The following RGS20 variants were observed in gnomAD, a reference collection of about 807,000 sequenced individuals.
RGS20 encodes regulator of G protein signaling 20, also known as gz-selective GTPase-activating protein.
A neutral mutation model predicts 33.6 loss-of-function variants in RGS20; 30 were observed. The observed-to-expected ratio is 0.89, with a 90% CI of 0.67 to 1.21. RGS20 has a LOEUF of 1.21. RGS20 is among the 50% of genes most tolerant of loss of function. The pLI is 0.00. For synonymous variants in RGS20, 208 were observed against 197.9 expected (o/e 1.05, Z -0.43); for missense variants, 472 against 502.4 (o/e 0.94, Z 0.58).
rs192595609 is a variant in RGS20 at position 53,895,006 on chromosome 8, T to C, written c.510+15404T>C. On this transcript the variant is annotated intron_variant, in intron 2 of 5. Transcript: ENST00000297313. ...CATTGCAATTACTCACCTCTGCTAC[T>C]GTAGCAGAAAGCTGTGCGGGGAGAG... 9.9e-5 allele frequency among the ~76,000 whole-genome samples: 15 copies of C among 152,278 alleles called. No individual in the cohort carries two copies. The East Asian group carries it at 2.9e-3, about 29-fold the overall frequency.
chr8:53,885,342 G>T (rs957028166), intron 2 of RGS20, among the ~76,000 whole-genome samples: 1 of 152,182 alleles, frequency 6.6e-6, no homozygotes, highest in African/African-American at 2.4e-5. Context: ...GGCCGGGCGC[G>T]GTGGCTCACG....
intron 2 of RGS20, among the ~76,000 whole-genome samples, chr8:53,902,498 C>T (rs527546428): frequency 2.4e-4 from 37 of 152,156 alleles, no homozygotes; most frequent in Non-Finnish European, 4.3e-4. Flanking sequence ...CTCCCATCAG[C>T]GGTGCGGGAG....
At chr8:53,866,790 T>C (rs1157255834) in intron 1 of RGS20, among the ~76,000 whole-genome samples, 4 of 152,022 alleles carry the variant, frequency 2.6e-5, no homozygotes, top group South Asian at 2.1e-4. Flanking sequence ...GAGGCCACTA[T>C]AATTTAATTA....
chr8:53,939,756 C>A, intron 3 of RGS20, 32 bp downstream of exon 2: 1 of 1,536,652 alleles, frequency 6.5e-7, no homozygotes, highest in Non-Finnish European at 8.8e-7. Flanking sequence ...TGAATGTGCT[C>A]CTGACTGGGA....
At chr8:53,866,098 G>A (rs1032566382) in intron 1 of RGS20, among the ~76,000 whole-genome samples, 1 of 152,186 alleles carries the variant, frequency 6.6e-6, no homozygotes, top group African/African-American at 2.4e-5. Context: ...ATTGCCCTGG[G>A]AGAGAAGAAG....
At chr8:53,905,766 A>G (rs1377895046) in intron 2 of RGS20, among the ~76,000 whole-genome samples, 1 of 152,166 alleles carries the variant, frequency 6.6e-6, no homozygotes, top group African/African-American at 2.4e-5. Context: ...CTGTTTTTCT[A>G]ACTTCATTGT....
intron 1 of RGS20, among the ~76,000 whole-genome samples, chr8:53,853,115 G>T (rs2129265410): frequency 6.6e-6 from 1 of 152,244 alleles, no homozygotes; most frequent in South Asian, 2.1e-4. Flanking sequence ...CAAGAGTCCT[G>T]AATTAATGGA....
chr8:53,852,091 C>G, intron 1 of RGS20: 1 of 1,570,564 alleles, frequency 6.4e-7, no homozygotes, highest in South Asian at 1.2e-5. Context: ...AATCCATGAT[C>G]CTTTCCCGTC....
At chr8:53,902,526 A>G (rs115430682) in intron 2 of RGS20, among the ~76,000 whole-genome samples, 3,136 of 152,112 alleles carry the variant, frequency 0.021, 99 homozygotes, top group African/African-American at 0.071. Context: ...GTTGCTCTCT[A>G]TCCTTCCTCT....
intron 1 of RGS20, among the ~76,000 whole-genome samples, chr8:53,874,904 A>T (rs1812163917): frequency 6.6e-6 from 1 of 152,188 alleles, no homozygotes; most frequent in Admixed American, 6.5e-5. Context: ...GAATTTTAAT[A>T]TGTAAATTTT....
At chr8:53,862,584 G>T (rs990452060) in intron 1 of RGS20, among the ~76,000 whole-genome samples, 4 of 152,202 alleles carry the variant, frequency 2.6e-5, no homozygotes, top group African/African-American at 9.6e-5. Flanking sequence ...CACTTTAGGA[G>T]GCCAGTAGTT....
intron 2 of RGS20, among the ~76,000 whole-genome samples, chr8:53,934,028 A>G (rs1208784022): frequency 6.6e-6 from 1 of 152,198 alleles, no homozygotes; most frequent in Non-Finnish European, 1.5e-5. Context: ...AGCAAAGGAG[A>G]AATGAAATCC....
chr8:53,901,163 G>A (rs920886692), intron 2 of RGS20, among the ~76,000 whole-genome samples: 12 of 149,970 alleles, frequency 8.0e-5, no homozygotes, highest in Non-Finnish European at 1.3e-4. Context: ...CGCCTTGCAA[G>A]TTCAAGTGAT....
At chr8:53,862,793 T>C (rs1698760335) in intron 1 of RGS20, among the ~76,000 whole-genome samples, 1 of 152,142 alleles carries the variant, frequency 6.6e-6, no homozygotes, top group Non-Finnish European at 1.5e-5. Flanking sequence ...AGTGAGACCC[T>C]ATCTCTAAAA....
intron 1 of RGS20, among the ~76,000 whole-genome samples, chr8:53,860,572 A>C (rs921919337): frequency 3.9e-5 from 6 of 152,216 alleles, no homozygotes; most frequent in African/African-American, 1.4e-4. Flanking sequence ...AGATAGTTTA[A>C]CACCAGCAAA....
chr8:53,950,640 G>A (rs1196945314), intron 4 of RGS20, among the ~76,000 whole-genome samples: 2 of 151,116 alleles, frequency 1.3e-5, no homozygotes, highest in Non-Finnish European at 3.0e-5. Context: ...TTTTAGACAG[G>A]GTCTCATTCT....
At chr8:53,908,431 G>A (rs1813243698) in intron 2 of RGS20, among the ~76,000 whole-genome samples, 2 of 152,132 alleles carry the variant, frequency 1.3e-5, no homozygotes, top group Non-Finnish European at 2.9e-5. Context: ...CTTGAGCCCA[G>A]GAGTTTGAGA....
intron 2 of RGS20, among the ~76,000 whole-genome samples, chr8:53,922,276 A>G (rs979671361): frequency 5.9e-5 from 9 of 152,116 alleles, no homozygotes; most frequent in African/African-American, 2.2e-4. Context: ...ATCTCTAGTA[A>G]CATTTTGTGT....
rs1224259576 is a variant in RGS20 at position 53,939,734 on chromosome 8, G to A, written c.659+10G>A. 6.5e-7 allele frequency: 1 copy of A among 1,547,922 alleles called. No homozygotes were observed. On this transcript the variant is annotated intron_variant, in intron 3 of 5. Coordinates refer to ENST00000297313, the MANE Select transcript of RGS20 (RefSeq NM_170587.4). ...GTTGTAGCTGCTCGTGGTAAGGTTT[G>A]GGGCTTTTTAATGAATGTGCTCCTG...
Sources: allele counts gnomAD v4.1 joint callset (sites outside exome capture counted in the v4.1 genomes callset), GRCh38; gene constraint gnomAD v4.1.1; transcripts MANE v1.5; gene names NCBI Gene and HGNC (gene_info 2026-07-23, HGNC 2026-07-21).